SPTLC3: variants seen among roughly 807,000 people sequenced by gnomAD.
SPTLC3 encodes the protein serine palmitoyltransferase long chain base subunit 3, also known as serine palmitoyltransferase 3.
In SPTLC3, 36 loss-of-function variants were observed where a neutral mutation model predicts 59.3. The ratio of observed to expected loss-of-function variants is 0.61; its 90% confidence interval spans 0.47 to 0.80. The LOEUF (loss-of-function observed/expected upper bound fraction) is 0.80. Ranked by LOEUF, SPTLC3 falls within the 30% of genes least tolerant of loss-of-function variation. The probability of loss-of-function intolerance (pLI) is 0.00; values close to 1 mark genes in which losing one functional copy is unlikely to be tolerated. For missense variants in SPTLC3, 625 were observed against 685.1 expected (o/e 0.91, Z 0.98); for synonymous variants, 257 against 240.8 (o/e 1.07, Z -0.62).
chr20:13,109,402 G>A (rs1283148698), intron 6 of SPTLC3, among the ~76,000 whole-genome samples: 1 of 152,122 alleles, frequency 6.6e-6, no homozygotes, highest in African/African-American at 2.4e-5. Flanking sequence ...TAGACCTCAG[G>A]CAGTTTACTC....
At chr20:13,121,308 GAGCATTAGCCCCAGA>G (rs1184605866) in intron 8 of SPTLC3, among the ~76,000 whole-genome samples, 1 of 152,158 alleles carries the variant, frequency 6.6e-6, no homozygotes, top group African/African-American at 2.4e-5. Context: ...AATTTGGGGT[GAGCATTAGCCCCAGA>G]AGCCTGCATG....
intron 2 of SPTLC3, among the ~76,000 whole-genome samples, chr20:13,054,991 G>A (rs895296809): frequency 5.3e-5 from 8 of 152,008 alleles, no homozygotes; most frequent in Non-Finnish European, 8.8e-5. Flanking sequence ...GTTTAGAAAC[G>A]AGGTTATTTG....
chr20:13,052,637 A>G (rs1987544788), intron 2 of SPTLC3, among the ~76,000 whole-genome samples: 2 of 152,156 alleles, frequency 1.3e-5, no homozygotes, highest in African/African-American at 4.8e-5. Flanking sequence ...GCTAAGATCC[A>G]CTGGCTTGAA....
chr20:13,033,427 G>A (rs1986590119), intron 1 of SPTLC3, among the ~76,000 whole-genome samples: 1 of 152,174 alleles, frequency 6.6e-6, no homozygotes, highest in South Asian at 2.1e-4. Flanking sequence ...TTAATGTGTA[G>A]CTTCCAAGGT....
At chr20:13,062,532 G>T (rs185499739) in intron 2 of SPTLC3, among the ~76,000 whole-genome samples, 83 of 152,236 alleles carry the variant, frequency 5.5e-4, no homozygotes, top group Non-Finnish European at 9.7e-4. Flanking sequence ...GTGAATGAGC[G>T]GGTTAAGACA....
chr20:13,022,612 G>A lies in SPTLC3; in HGVS notation c.117+13228G>A, dbSNP rs149288488. Among the ~76,000 whole-genome samples, 7 of 152,230 alleles carry A rather than the reference G, an allele frequency of 4.6e-5. No individual in the cohort carries two copies. In the East Asian group the frequency reaches 1.2e-3, roughly 25 times the overall value. On this transcript the variant is annotated intron_variant, in intron 1 of 11. Coordinates refer to ENST00000399002, the MANE Select transcript of SPTLC3 (RefSeq NM_018327.4). ...GCACCTGGGCTGGGAAGGCCAAAGGGTGAGACAAGCCAGGACTGTGAACTG... is the reference window on the plus strand; with the variant it reads ...GCACCTGGGCTGGGAAGGCCAAAGGATGAGACAAGCCAGGACTGTGAACTG...
intron 1 of SPTLC3, among the ~76,000 whole-genome samples, chr20:13,044,125 A>T (rs1164285588): frequency 7.1e-6 from 1 of 141,066 alleles, no homozygotes; most frequent in Non-Finnish European, 1.6e-5. Context: ...TTTGAGATGG[A>T]GTCTTGCTCT....
At chr20:13,089,283 A>T (rs1486917579) in intron 4 of SPTLC3, among the ~76,000 whole-genome samples, 1 of 152,210 alleles carries the variant, frequency 6.6e-6, no homozygotes, top group Non-Finnish European at 1.5e-5. Flanking sequence ...TGTGCAAATT[A>T]CAGCATCTCT....
At chr20:13,087,096 T>C (rs1157199642) in intron 4 of SPTLC3, among the ~76,000 whole-genome samples, 1 of 152,090 alleles carries the variant, frequency 6.6e-6, no homozygotes, top group Non-Finnish European at 1.5e-5. Context: ...GTGCCTAGCC[T>C]CCTCCCCGTC....
intron 4 of SPTLC3, chr20:13,079,683 G>A (rs8120012): frequency 0.28 from 123,466 of 442,598 alleles, 17,855 homozygotes; most frequent in Middle Eastern, 0.36. Flanking sequence ...CTTCTTTTCT[G>A]GTTTGTTGCT....
At chr20:13,128,207 T>C (rs73085884) in intron 9 of SPTLC3, among the ~76,000 whole-genome samples, 3,992 of 152,332 alleles carry the variant, frequency 0.026, 72 homozygotes, top group Non-Finnish European at 0.031. Context: ...GTTTCTGAGG[T>C]GATCGACAAG....
chr20:13,026,321 T>C (rs746841722), intron 1 of SPTLC3, among the ~76,000 whole-genome samples: 7 of 152,228 alleles, frequency 4.6e-5, no homozygotes, highest in Non-Finnish European at 5.9e-5. Flanking sequence ...TCCACAATGG[T>C]TGAACTAATT....
At position 13,129,055 on chromosome 20, in the gene SPTLC3, T is replaced by C. The variant is rs138489407; in HGVS notation, c.1279+2338T>C. ...CCATGCCTGGCTATTTTTGTATTTTTAGTAGAGATGGGGTCTCGCCAGATT... is the reference window on the plus strand; with the variant it reads ...CCATGCCTGGCTATTTTTGTATTTTCAGTAGAGATGGGGTCTCGCCAGATT... On this transcript the variant is annotated intron_variant, in intron 9 of 11. Transcript: ENST00000399002. Among the ~76,000 whole-genome samples, 43 of 152,064 alleles carry C rather than the reference T, an allele frequency of 2.8e-4. 2 individuals are homozygous for C. The East Asian group carries it at 8.3e-3, about 29-fold the overall frequency.
At chr20:13,045,439 A>G (rs1028264988) in intron 1 of SPTLC3, among the ~76,000 whole-genome samples, 3 of 152,226 alleles carry the variant, frequency 2.0e-5, no homozygotes, top group South Asian at 2.1e-4. Context: ...ATGAAATTTT[A>G]TATTTCAAAA....
chr20:13,040,011 G>A lies in SPTLC3; in HGVS notation c.118-8934G>A, dbSNP rs115630097. 1.8e-3 allele frequency among the ~76,000 whole-genome samples: 266 copies of A among 151,514 alleles called. 3 individuals carry two copies. Among genetic ancestry groups the A allele is most frequent in the African/African-American group, 6.2e-3 (255 of 41,384 alleles). ...TATGTCTTTTTTAAGAAGCTGGAAA[G>A]GAAAGGATGCCAAATATATAGGTGT... On this transcript the variant is annotated intron_variant, in intron 1 of 11. Coordinates refer to ENST00000399002, the MANE Select transcript of SPTLC3 (RefSeq NM_018327.4).
chr20:13,030,615 G>A (rs1322614846), intron 1 of SPTLC3, among the ~76,000 whole-genome samples: 2 of 152,014 alleles, frequency 1.3e-5, no homozygotes, highest in African/African-American at 4.8e-5. Context: ...AATATTTACT[G>A]GACCCCTGTT....
intron 1 of SPTLC3, among the ~76,000 whole-genome samples, chr20:13,043,941 A>G (rs1987108957): frequency 6.6e-6 from 1 of 151,972 alleles, no homozygotes; most frequent in Admixed American, 6.6e-5. Context: ...GAGTCCCCAT[A>G]TACAATGGTC....
At chr20:13,163,525 C>T (rs184252686) in intron 11 of SPTLC3, among the ~76,000 whole-genome samples, 18 of 151,988 alleles carry the variant, frequency 1.2e-4, no homozygotes. Context: ...AGAAACTATC[C>T]CAGAGAGGTG....
intron 1 of SPTLC3, among the ~76,000 whole-genome samples, chr20:13,028,039 C>T (rs953259295): frequency 6.6e-5 from 10 of 152,186 alleles, no homozygotes; most frequent in African/African-American, 1.9e-4. Flanking sequence ...AGTCAATTCA[C>T]GCCTTGGTTC....
Sources: gnomAD v4.1 joint callset for allele counts (sites outside exome capture counted in the v4.1 genomes callset) on GRCh38, gnomAD v4.1.1 for gene constraint, MANE v1.5 for transcripts, NCBI Gene and HGNC (gene_info 2026-07-23, HGNC 2026-07-21) for gene names.